Variants in FBXL17 observed in about 807,000 individuals in gnomAD.
FBXL17 encodes F-box and leucine rich repeat protein 17, also known as F-box/LRR-repeat protein 17.
In FBXL17, 22 loss-of-function variants were observed where a neutral mutation model predicts 66.2. That is an observed-to-expected ratio of 0.33 (90% CI 0.24 to 0.47). The LOEUF is 0.47. Among genes scored for constraint, FBXL17 ranks in the 20% least tolerant of loss-of-function variants. FBXL17 has a pLI of 1.00. For missense variants in FBXL17, 878 were observed against 948.2 expected, an observed-to-expected ratio of 0.93 and a Z score of 0.97; for synonymous variants, 474 against 400.5, an observed-to-expected ratio of 1.18 and a Z score of -2.19.
intron 5 of FBXL17, among the ~76,000 whole-genome samples, chr5:108,212,245 G>A (rs1413398419): frequency 6.6e-6 from 1 of 152,092 alleles, no homozygotes; most frequent in Non-Finnish European, 1.5e-5. Flanking sequence ...CTTTTTTCAA[G>A]GTTCTTAGCT....
intron 7 of FBXL17, among the ~76,000 whole-genome samples, chr5:107,922,558 G>A (rs2112563005): frequency 6.6e-6 from 1 of 152,274 alleles, no homozygotes; most frequent in East Asian, 1.9e-4. Flanking sequence ...CAGTGTAGCT[G>A]CACCCAATTT....
At chr5:108,212,911 C>T (rs1580625359) in intron 5 of FBXL17, among the ~76,000 whole-genome samples, 1 of 152,170 alleles carries the variant, frequency 6.6e-6, no homozygotes, top group African/African-American at 2.4e-5. Context: ...AATCTTCACC[C>T]ACAATTGCTC....
chr5:108,100,443 G>A (rs1173844528), intron 6 of FBXL17, among the ~76,000 whole-genome samples: 7 of 152,056 alleles, frequency 4.6e-5, no homozygotes, highest in Non-Finnish European at 8.8e-5. Flanking sequence ...ACATCAAACT[G>A]TTTCTAAGCA....
chr5:107,942,279 G>C (rs903730834), intron 7 of FBXL17, among the ~76,000 whole-genome samples: 10 of 152,152 alleles, frequency 6.6e-5, no homozygotes, highest in African/African-American at 2.2e-4. Flanking sequence ...AGAAAGTTCA[G>C]AGCAGAGGTG....
At chr5:107,982,458 A>C (rs562136017) in intron 7 of FBXL17, among the ~76,000 whole-genome samples, 10 of 152,088 alleles carry the variant, frequency 6.6e-5, no homozygotes, top group African/African-American at 2.4e-4. Flanking sequence ...TAAAAAAAAA[A>C]CAAAAAAAAC....
chr5:108,289,732 T>C (rs1265950898), intron 4 of FBXL17, among the ~76,000 whole-genome samples: 1 of 152,120 alleles, frequency 6.6e-6, no homozygotes, highest in South Asian at 2.1e-4. Flanking sequence ...AATTTCTTAA[T>C]ATCTAAGTTC....
intron 4 of FBXL17, among the ~76,000 whole-genome samples, chr5:108,310,942 C>T (rs1487004709): frequency 6.6e-6 from 1 of 152,164 alleles, no homozygotes; most frequent in Non-Finnish European, 1.5e-5. Flanking sequence ...TCAGCATTCC[C>T]TCTGCCAAAA....
At chr5:107,916,446 C>T (rs959093886) in intron 7 of FBXL17, among the ~76,000 whole-genome samples, 3 of 152,144 alleles carry the variant, frequency 2.0e-5, no homozygotes, top group African/African-American at 7.2e-5. Flanking sequence ...TTCCTGAAAG[C>T]TGCATCACCT....
At chr5:108,194,764 C>T (rs1052151452) in intron 5 of FBXL17, among the ~76,000 whole-genome samples, 5 of 152,162 alleles carry the variant, frequency 3.3e-5, no homozygotes, top group Non-Finnish European at 2.9e-5. Flanking sequence ...CTAACCTTGG[C>T]TCCAAGTTAG....
At chr5:108,308,781 A>G (rs747287825) in intron 4 of FBXL17, among the ~76,000 whole-genome samples, 15 of 152,114 alleles carry the variant, frequency 9.9e-5, no homozygotes, top group Non-Finnish European at 2.1e-4. Flanking sequence ...TTTTTAAAGC[A>G]TAATTGTAAA....
chr5:108,308,413 T>C (rs1270013222), intron 4 of FBXL17, among the ~76,000 whole-genome samples: 1 of 152,080 alleles, frequency 6.6e-6, no homozygotes, highest in Non-Finnish European at 1.5e-5. Context: ...ATTAAATAAC[T>C]TGCCCACAAT....
At chr5:108,146,244 A>G (rs2149991575) in intron 6 of FBXL17, among the ~76,000 whole-genome samples, 1 of 152,052 alleles carries the variant, frequency 6.6e-6, no homozygotes, top group South Asian at 2.1e-4. Context: ...AAAAAAAAAA[A>G]GACTCATCAC....
chr5:108,317,494 T>A (rs181711963), intron 4 of FBXL17, among the ~76,000 whole-genome samples: 87 of 151,368 alleles, frequency 5.7e-4, no homozygotes, highest in Non-Finnish European at 1.1e-3. Context: ...ACAACTACTA[T>A]ACATCGACTG....
At chr5:108,082,903 C>T (rs1365132172) in intron 6 of FBXL17, among the ~76,000 whole-genome samples, 1 of 152,052 alleles carries the variant, frequency 6.6e-6, no homozygotes, top group Admixed American at 6.6e-5. Flanking sequence ...TGGAGCCTTT[C>T]AGTAGGAGTT....
chr5:108,127,866 T>C (rs1750782245), intron 6 of FBXL17, among the ~76,000 whole-genome samples: 1 of 152,208 alleles, frequency 6.6e-6, no homozygotes, highest in Non-Finnish European at 1.5e-5. Context: ...CTTTGAATAA[T>C]AACCCCCTGG....
At chr5:108,306,286 T>A (rs80019294) in intron 4 of FBXL17, among the ~76,000 whole-genome samples, 227 of 152,210 alleles carry the variant, frequency 1.5e-3, no homozygotes, top group African/African-American at 5.3e-3. Context: ...TGAGAAACGC[T>A]GGTGATTATG....
intron 4 of FBXL17, among the ~76,000 whole-genome samples, chr5:108,344,518 C>G (rs1022302123): frequency 6.6e-6 from 1 of 152,096 alleles, no homozygotes; most frequent in Non-Finnish European, 1.5e-5. Context: ...CAAACACACA[C>G]ATAACGCATA....
At chr5:108,019,094 C>A (rs972622485) in intron 7 of FBXL17, among the ~76,000 whole-genome samples, 1 of 152,090 alleles carries the variant, frequency 6.6e-6, no homozygotes. Context: ...TTGTTTTTAT[C>A]CCACTCCTGT....
intron 4 of FBXL17, among the ~76,000 whole-genome samples, chr5:108,256,760 CATTCCTATT>C (rs1485389601): frequency 3.3e-5 from 5 of 151,840 alleles, no homozygotes; most frequent in Non-Finnish European, 7.4e-5. Flanking sequence ...TTATATTTAT[CATTCCTATT>C]ATTCCTATTA....
Sources: gnomAD v4.1 joint callset for allele counts (sites outside exome capture counted in the v4.1 genomes callset) on GRCh38, gnomAD v4.1.1 for gene constraint, MANE v1.5 for transcripts, NCBI Gene and HGNC (gene_info 2026-07-23, HGNC 2026-07-21) for gene names.